The following IVNS1ABP variants were observed in gnomAD, a reference collection of about 807,000 sequenced individuals.
IVNS1ABP encodes influenza virus NS1A binding protein.
IVNS1ABP carries 25 observed loss-of-function variants against 78.9 expected under a neutral mutation model. The ratio of observed to expected loss-of-function variants is 0.32; its 90% CI spans 0.23 to 0.44. The LOEUF (loss-of-function observed/expected upper bound fraction) is 0.44. Among genes scored for constraint, IVNS1ABP ranks in the 20% least tolerant of loss-of-function variants. The pLI is 1.00. For missense variants in IVNS1ABP, 494 were observed against 768.9 expected (o/e 0.64, Z 4.23); for synonymous variants, 241 against 259.7 (o/e 0.93, Z 0.69).
intron 1 of IVNS1ABP, 61 bp from the exon 2 acceptor site, chr1:185,311,383 G>A: frequency 2.5e-6 from 1 of 392,530 alleles, no homozygotes. Flanking sequence ...CATTGATCTA[G>A]GTAGAGCAGA....
chr1:185,307,733 G>T, intron 5 of IVNS1ABP, 71 bp from the exon 6 acceptor site: 1 of 1,450,940 alleles, frequency 6.9e-7, no homozygotes, highest in Non-Finnish European at 9.4e-7. Flanking sequence ...TGTTCAGTGT[G>T]GTAAAGACTA....
chr1:185,301,752 G>A, intron 8 of IVNS1ABP, 189 bp from the exon 9 acceptor site: 1 of 505,912 alleles, frequency 2.0e-6, no homozygotes. Flanking sequence ...TCCACTCAAT[G>A]ATGAGACAAC....
chr1:185,298,321 G>A lies in IVNS1ABP; in HGVS notation c.1676-33C>T, dbSNP rs1327723378. 7 of 1,597,840 alleles carry A rather than the reference G, an allele frequency of 4.4e-6. No individual in the cohort carries two copies. The highest frequency in any genetic ancestry group is 6.0e-6 in the Non-Finnish European group (7 of 1,169,896). Reference sequence around the variant, plus strand: ...AGAAATGAGATGGGGTAAATCCAGAGATTAAAGTGTAATAAGGTAAAACTC... The same window carrying A: ...AGAAATGAGATGGGGTAAATCCAGAAATTAAAGTGTAATAAGGTAAAACTC... On this transcript the variant is annotated intron_variant, in intron 14 of 14. Coordinates refer to ENST00000367498, the MANE Select transcript of IVNS1ABP (RefSeq NM_006469.5). The surrounding 1 kb of genome is among the most constrained non-coding windows in gnomAD (Gnocchi z 4.1).
chr1:185,310,961 T>C lies in IVNS1ABP; in HGVS notation c.-19+134A>G, dbSNP rs139041296. The C allele has an allele frequency of 1.3e-4, 27 of 209,876 alleles. No homozygotes were observed. In the East Asian group the frequency reaches 2.7e-3, roughly 21 times the overall value. 13.0% of individuals were successfully genotyped at this position (209,876 alleles called of 1,614,324 possible). On this transcript the variant is annotated intron_variant, in intron 2 of 14. Transcript: ENST00000367498. Reference sequence around the variant, plus strand: ...CAAAATATAGAAAAGAAAAATATGATGTTTTTTATACTCAAATGATTACTG... The same window carrying C: ...CAAAATATAGAAAAGAAAAATATGACGTTTTTTATACTCAAATGATTACTG...
intron 7 of IVNS1ABP, chr1:185,306,387 T>A (rs939351197): frequency 5.8e-6 from 6 of 1,028,628 alleles, no homozygotes; most frequent in African/African-American, 1.7e-5. Flanking sequence ...GTATTTTTTT[T>A]AAAAGTAGCC....
intron 14 of IVNS1ABP, 90 bp downstream of exon 14, chr1:185,299,620 A>T: frequency 8.4e-7 from 1 of 1,187,524 alleles, no homozygotes. Flanking sequence ...TCTTAACTGT[A>T]CAACTATAGT....
intron 7 of IVNS1ABP, chr1:185,306,559 C>T (rs531205472): frequency 2.3e-6 from 3 of 1,284,170 alleles, no homozygotes; most frequent in African/African-American, 3.1e-5. Flanking sequence ...TGCTTCTTTA[C>T]GTGTCAATAC....
In IVNS1ABP at chr1:185,305,802, C is replaced by T. The variant is rs531243594; in HGVS notation, c.658-159G>A. ...TCCGGAGGTAAAGAAAAATACATGTCATGGTGGTAAAAATTAAAAAACAAA... is the reference window on the plus strand; with the variant it reads ...TCCGGAGGTAAAGAAAAATACATGTTATGGTGGTAAAAATTAAAAAACAAA... On this transcript the variant is annotated intron_variant, in intron 7 of 14. Coordinates refer to ENST00000367498, the MANE Select transcript of IVNS1ABP (RefSeq NM_006469.5). The surrounding 1 kb of genome is among the most constrained non-coding windows in gnomAD (Gnocchi z 4.0). The T allele has an allele frequency of 1.4e-6, 1 of 707,956 alleles. No individual in the cohort carries two copies. The highest frequency in any genetic ancestry group is 3.2e-5 in the East Asian group (1 of 31,502). 43.9% of individuals were successfully genotyped at this position (707,956 alleles called of 1,614,324 possible).
At position 185,297,504 on chromosome 1, in the gene IVNS1ABP, T is replaced by TA. The variant is rs1665450091; in HGVS notation, c.*530dup. ...ACTCTGCTGAGAATATAAAAAGTTA[T>TA]AAAAAGGCAATCATAAAAGATTAAA... On this transcript the variant is annotated 3_prime_UTR_variant, in exon 15 of 15. Transcript: ENST00000367498. 1 of 153,572 alleles carries TA rather than the reference T, an allele frequency of 6.5e-6. No individual in the cohort carries two copies. Among genetic ancestry groups the TA allele is most frequent in the Non-Finnish European group, 1.5e-5 (1 of 68,718 alleles). The allele number at this position is 153,572 out of a possible 1,614,324, so 9.5% of individuals were successfully genotyped here. A position where few individuals can be genotyped will look rare whatever the true frequency, so the allele number is the denominator to read the frequency against.
chr1:185,307,754 C>G (rs984374655), intron 5 of IVNS1ABP, 92 bp from the exon 6 acceptor site: 20 of 1,344,686 alleles, frequency 1.5e-5, no homozygotes, highest in Non-Finnish European at 1.9e-5. Flanking sequence ...TGTGAAGATA[C>G]AAAGAATCAA....
chr1:185,309,196 T>A (rs756681208), intron 3 of IVNS1ABP, 24 bp from the exon 4 acceptor site: 1 of 1,528,950 alleles, frequency 6.5e-7, no homozygotes, highest in African/African-American at 1.4e-5. Flanking sequence ...GAATTATAAT[T>A]ATAAGTATTG....
chr1:185,297,324 G>A lies in IVNS1ABP; in HGVS notation c.*711C>T, dbSNP rs548841974. ...AGTAACTCCACTCAAATAAATGTTA[G>A]TACTGCATTCTTGAAGGAAAAAAAC... On this transcript the variant is annotated 3_prime_UTR_variant, in exon 15 of 15. Transcript: ENST00000367498. The A allele has an allele frequency of 6.6e-6, 1 of 152,130 alleles. No individual in the cohort carries two copies. The highest frequency in any genetic ancestry group is 2.4e-5 in the African/African-American group (1 of 41,494). 9.4% of individuals were successfully genotyped at this position (152,130 alleles called of 1,614,324 possible).
Position 185,301,438 on chromosome 1 carries a change from A to G in IVNS1ABP, c.891T>C (p.Thr297=), listed in dbSNP as rs1665596490. ...TGGCAAGTGTCATATACTTACTTGA[A>G]GTCTTTTCTGAAGCAACGATTTTCC... ...HEWKIVASEK[T]SNNTYLCLAV... The change falls in exon 9 of 15, where the codon ACT becomes ACC. Residue 297 remains threonine (T), a synonymous_variant. Coordinates refer to ENST00000367498, the MANE Select transcript of IVNS1ABP (RefSeq NM_006469.5). 1 of 1,613,110 alleles carries G rather than the reference A, an allele frequency of 6.2e-7. No individual in the cohort carries two copies. The highest frequency in any genetic ancestry group is 8.5e-7 in the Non-Finnish European group (1 of 1,179,408).
intron 2 of IVNS1ABP, among the ~76,000 whole-genome samples, 174 bp from the exon 3 acceptor site, chr1:185,309,685 CT>C (rs1665833957): frequency 6.6e-6 from 1 of 152,180 alleles, no homozygotes; most frequent in African/African-American, 2.4e-5. Context: ...ATGTCCAAGT[CT>C]TTGTTCCCTA....
intron 1 of IVNS1ABP, among the ~76,000 whole-genome samples, chr1:185,312,485 C>T (rs1362110914): frequency 2.0e-5 from 3 of 152,106 alleles, no homozygotes; most frequent in African/African-American, 7.2e-5. Context: ...AATCACTTAC[C>T]ACAGGACTCC....
In IVNS1ABP at chr1:185,317,086, G is replaced by C. The variant is rs915477773; in HGVS notation, c.-380C>G. ...GACGGGAGCGGTCAAGTAGAAGGAC[G>C]AGGGGCCAGTCCGTGGAGACTGAAA... On this transcript the variant is annotated 5_prime_UTR_variant, in exon 1 of 15. Coordinates refer to ENST00000367498, the MANE Select transcript of IVNS1ABP (RefSeq NM_006469.5). 3 of 398,480 alleles carry C rather than the reference G, an allele frequency of 7.5e-6. No individual in the cohort carries two copies. Among genetic ancestry groups the C allele is most frequent in the East Asian group, 3.6e-5 (1 of 28,064 alleles). 24.7% of individuals were successfully genotyped at this position (398,480 alleles called of 1,614,324 possible).
chr1:185,299,977 A>G, intron 13 of IVNS1ABP, 22 bp downstream of exon 13: 1 of 1,607,716 alleles, frequency 6.2e-7, no homozygotes, highest in Non-Finnish European at 8.5e-7. Flanking sequence ...TTAAAAAAAA[A>G]AAGGAAAAAA....
chr1:185,301,208 A>G lies in IVNS1ABP; in HGVS notation c.896-12T>C, dbSNP rs1299661076. 10 of 1,600,820 alleles carry G rather than the reference A, an allele frequency of 6.2e-6. No homozygotes were observed. The highest frequency in any genetic ancestry group is 1.3e-5 in the African/African-American group (1 of 74,504). ...CAAGTAAGTGTTATCTGTAAGCACA[A>G]GAGTTCCATGTTTAAGATGTAATTA... is the stretch of plus-strand genomic sequence containing the variant. On this transcript the variant is annotated splice_polypyrimidine_tract_variant and intron_variant, in intron 9 of 14. Coordinates refer to ENST00000367498, the MANE Select transcript of IVNS1ABP (RefSeq NM_006469.5).
rs969786903 is a variant in IVNS1ABP, at chr1:185,301,694, T to A, written c.766-131A>T. Reference sequence around the variant, plus strand: ...ACATTTATAGGACACTAACTTTAACTCAAGCCAACACTTTCCAAATGACAC... The same window carrying A: ...ACATTTATAGGACACTAACTTTAACACAAGCCAACACTTTCCAAATGACAC... On this transcript the variant is annotated intron_variant, in intron 8 of 14. Transcript: ENST00000367498. 1.1e-5 allele frequency: 10 copies of A among 937,188 alleles called. No homozygotes were observed. In the Admixed American group the frequency reaches 2.3e-4, roughly 22 times the overall value. The allele number at this position is 937,188 out of a possible 1,614,324, so 58.1% of individuals were successfully genotyped here.
Sources: gnomAD v4.1 joint callset for allele counts (sites outside exome capture counted in the v4.1 genomes callset) on GRCh38, gnomAD v4.1.1 for gene constraint, Gnocchi (gnomAD v3.1) non-coding constraint, MANE v1.5 for transcripts, NCBI Gene and HGNC (gene_info 2026-07-23, HGNC 2026-07-21) for gene names.